Variants in CNTN1 observed in about 807,000 individuals in gnomAD.
CNTN1 encodes contactin 1.
Under a neutral mutation model 126.4 loss-of-function variants are expected in CNTN1, and 38 were observed. The ratio of observed to expected loss-of-function variants is 0.30; its 90% CI spans 0.23 to 0.39. CNTN1 has a LOEUF of 0.39. Among genes scored for constraint, CNTN1 ranks in the 10% least tolerant of loss-of-function variants. The pLI is 1.00. For missense variants in CNTN1, 1,009 were observed against 1,248.4 expected, an observed-to-expected ratio of 0.81 and a Z score of 2.89; for synonymous variants, 413 against 422.6, an observed-to-expected ratio of 0.98 and a Z score of 0.28.
rs550160599 is a variant in CNTN1, at chr12:40,881,503, G to A, written c.-76-26854G>A. 5.3e-5 allele frequency among the ~76,000 whole-genome samples: 8 copies of A among 151,710 alleles called. No homozygotes were observed. The Middle Eastern group carries it at 0.01, about 194-fold the overall frequency. On this transcript the variant is annotated intron_variant, in intron 1 of 23. Coordinates refer to ENST00000551295, the MANE Select transcript of CNTN1 (RefSeq NM_001843.4). Reference sequence around the variant, plus strand: ...CAAGTTACAGCACTCTTAATTTTTCGGTTATTTTTGCATGGCACCCCTTCA... The same window carrying A: ...CAAGTTACAGCACTCTTAATTTTTCAGTTATTTTTGCATGGCACCCCTTCA...
intron 14 of CNTN1, among the ~76,000 whole-genome samples, chr12:40,953,988 G>T (rs556877006): frequency 2.0e-5 from 3 of 152,126 alleles, no homozygotes; most frequent in Non-Finnish European, 4.4e-5. Flanking sequence ...TCAATTTTTT[G>T]TTGTAAAGTT....
At chr12:41,064,886 TAAAG>T (rs999821718) in intron 23 of CNTN1, among the ~76,000 whole-genome samples, 5 of 152,076 alleles carry the variant, frequency 3.3e-5, no homozygotes, top group Admixed American at 2.0e-4. Flanking sequence ...TTAAAAAAAT[TAAAG>T]AACATGCTCA....
chr12:41,015,234 T>A (rs148433435), intron 18 of CNTN1, among the ~76,000 whole-genome samples: 134 of 152,338 alleles, frequency 8.8e-4, no homozygotes, highest in African/African-American at 3.1e-3. Context: ...AATATTTATT[T>A]CTAAGTTTAA....
chr12:40,974,387 A>T (rs1276833311), intron 15 of CNTN1, among the ~76,000 whole-genome samples: 2 of 152,112 alleles, frequency 1.3e-5, no homozygotes, highest in African/African-American at 4.8e-5. Flanking sequence ...GGATCACATA[A>T]GCCCAGGAGC....
chr12:40,914,190 A>C (rs541173443), intron 3 of CNTN1, among the ~76,000 whole-genome samples: 1 of 152,294 alleles, frequency 6.6e-6, no homozygotes, highest in Non-Finnish European at 1.5e-5. Context: ...GTAGAAAAAA[A>C]TCAATAGATG....
chr12:40,803,790 A>G (rs985826350), intron 1 of CNTN1, among the ~76,000 whole-genome samples: 6 of 151,792 alleles, frequency 4.0e-5, no homozygotes, highest in Non-Finnish European at 8.8e-5. Flanking sequence ...GAGAGGAATG[A>G]TGAGAAGGAT....
chr12:40,955,907 A>G (rs1404373976), intron 14 of CNTN1, among the ~76,000 whole-genome samples: 1 of 152,082 alleles, frequency 6.6e-6, no homozygotes, highest in Non-Finnish European at 1.5e-5. Flanking sequence ...TGCAAGTGAT[A>G]TATGCAAAGT....
chr12:40,733,423 G>A (rs767454342), intron 1 of CNTN1, among the ~76,000 whole-genome samples: 5 of 151,508 alleles, frequency 3.3e-5, no homozygotes, highest in Admixed American at 6.6e-5. Context: ...AGCACAATGT[G>A]GGGTTCATAT....
chr12:40,737,285 ATGTGTG>A (rs34925321), intron 1 of CNTN1, among the ~76,000 whole-genome samples: 6 of 141,168 alleles, frequency 4.3e-5, no homozygotes, highest in African/African-American at 1.3e-4. Flanking sequence ...TAGGATATAT[ATGTGTG>A]TGTGTGTGTG....
chr12:40,888,782 A>T (rs1355555563), intron 1 of CNTN1, among the ~76,000 whole-genome samples: 1 of 152,240 alleles, frequency 6.6e-6, no homozygotes, highest in Non-Finnish European at 1.5e-5. Context: ...TTTAATAAAC[A>T]GAGTTAAGAG....
chr12:40,993,113 T>C lies in CNTN1; in HGVS notation c.1964-7T>C. On this transcript the variant is annotated splice_polypyrimidine_tract_variant and splice_region_variant and intron_variant, in intron 16 of 23. Coordinates refer to ENST00000551295, the MANE Select transcript of CNTN1 (RefSeq NM_001843.4). Reference sequence around the variant, plus strand: ...TGTATTCTCTATTTACTATTTATTTTATTCAGATCCCCCAATTATTGAAGG... The same window carrying C: ...TGTATTCTCTATTTACTATTTATTTCATTCAGATCCCCCAATTATTGAAGG... 1 of 1,611,160 alleles carries C rather than the reference T, an allele frequency of 6.2e-7. No homozygotes were observed. Among genetic ancestry groups the C allele is most frequent in the South Asian group, 1.1e-5 (1 of 91,006 alleles).
intron 6 of CNTN1, among the ~76,000 whole-genome samples, chr12:40,926,978 T>C (rs1257109344): frequency 1.3e-5 from 2 of 152,108 alleles, no homozygotes; most frequent in African/African-American, 4.8e-5. Flanking sequence ...GTGAAGCATC[T>C]GTTAAGCTTC....
chr12:40,912,982 C>T (rs1482780640), intron 3 of CNTN1, among the ~76,000 whole-genome samples: 2 of 152,084 alleles, frequency 1.3e-5, no homozygotes, highest in African/African-American at 4.8e-5. Context: ...AGATGCCCAG[C>T]CAGGTATGTA....
intron 18 of CNTN1, among the ~76,000 whole-genome samples, chr12:41,015,719 G>GT (rs1408689566): frequency 6.8e-6 from 1 of 147,474 alleles, no homozygotes; most frequent in Non-Finnish European, 1.5e-5. Flanking sequence ...TGATTTTCTG[G>GT]TAAAAAAAAA....
intron 1 of CNTN1, among the ~76,000 whole-genome samples, chr12:40,862,584 C>CT (rs377202052): frequency 1.1e-3 from 160 of 152,214 alleles, no homozygotes; most frequent in African/African-American, 3.6e-3. Flanking sequence ...TATCATCTGG[C>CT]TTTTTTCACA....
intron 23 of CNTN1, among the ~76,000 whole-genome samples, chr12:41,066,416 A>T (rs1366400185): frequency 6.6e-6 from 1 of 152,268 alleles, no homozygotes; most frequent in East Asian, 1.9e-4. Flanking sequence ...ATAAGAAAAA[A>T]TTCAGGGCCT....
intron 1 of CNTN1, among the ~76,000 whole-genome samples, chr12:40,700,020 T>C (rs920279898): frequency 6.6e-6 from 1 of 152,216 alleles, no homozygotes; most frequent in African/African-American, 2.4e-5. Context: ...CTTAGATTTT[T>C]AGTAATCTGA....
intron 4 of CNTN1, 124 bp downstream of exon 4, chr12:40,918,895 A>G (rs1945339221): frequency 5.1e-6 from 6 of 1,182,030 alleles, no homozygotes; most frequent in African/African-American, 1.5e-5. Context: ...TAACAAAAAT[A>G]TTGGCATACA....
rs546425782 is a variant in CNTN1 at position 40,947,876 on chromosome 12, G to A, written c.1683+3706G>A. ...ATACATGTTAAATTTGTAATACTGT[G>A]GGACATTATTGCCTGTCTTATATGA... On this transcript the variant is annotated intron_variant, in intron 14 of 23. Coordinates refer to ENST00000551295, the MANE Select transcript of CNTN1 (RefSeq NM_001843.4). Among the ~76,000 whole-genome samples the A allele has an allele frequency of 1.1e-3, 170 of 151,088 alleles. 4 individuals carry two copies. The South Asian group carries it at 0.035, about 31-fold the overall frequency.
Sources: gnomAD v4.1 joint callset for allele counts (sites outside exome capture counted in the v4.1 genomes callset) on GRCh38, gnomAD v4.1.1 for gene constraint, MANE v1.5 for transcripts, NCBI Gene and HGNC (gene_info 2026-07-23, HGNC 2026-07-21) for gene names.